The following PDE4D variants were observed in gnomAD, a reference collection of about 807,000 sequenced individuals.
PDE4D encodes the protein phosphodiesterase 4D, also known as 3',5'-cyclic-AMP phosphodiesterase 4D.
A neutral mutation model predicts 87.4 loss-of-function variants in PDE4D; 24 were observed. The ratio of observed to expected loss-of-function variants is 0.27; its 90% CI spans 0.20 to 0.39. PDE4D has a LOEUF of 0.39. Among genes scored for constraint, PDE4D ranks in the 10% least tolerant of loss-of-function variants. PDE4D has a pLI of 1.00. For missense variants in PDE4D, 714 were observed against 1,041.0 expected (o/e 0.69, Z 4.32); for synonymous variants, 384 against 383.2 (o/e 1.00, Z -0.02).
chr5:59,260,902 T>C (rs1332022187), intron 1 of PDE4D, among the ~76,000 whole-genome samples: 3 of 136,172 alleles, frequency 2.2e-5, no homozygotes, highest in Middle Eastern at 3.8e-3. Flanking sequence ...CTAAAGTTTA[T>C]AAAAATCATT....
chr5:58,978,869 G>A (rs1436028903), intron 11 of PDE4D, among the ~76,000 whole-genome samples: 1 of 152,052 alleles, frequency 6.6e-6, no homozygotes, highest in Non-Finnish European at 1.5e-5. Context: ...TAAGCATATA[G>A]AAATGAAAAA....
intron 1 of PDE4D, among the ~76,000 whole-genome samples, chr5:59,639,624 T>C (rs925263305): frequency 6.6e-5 from 10 of 152,056 alleles, no homozygotes; most frequent in African/African-American, 2.4e-4. Context: ...CATAATGAAT[T>C]TCAAATTGAA....
At chr5:59,467,941 A>G (rs1446069754) in intron 1 of PDE4D, among the ~76,000 whole-genome samples, 4 of 151,368 alleles carry the variant, frequency 2.6e-5, no homozygotes, top group African/African-American at 7.4e-5. Flanking sequence ...ATACACATGA[A>G]ATTAAATATT....
At position 59,731,362 on chromosome 5, in the gene PDE4D, C is replaced by G. The variant is rs139745731; in HGVS notation, c.455+161806G>C. ...AGTATCGCCAATGGTCGTGAGATGACAAGCACAGGACAGGCCCATATGCTG... is the reference window on the plus strand; with the variant it reads ...AGTATCGCCAATGGTCGTGAGATGAGAAGCACAGGACAGGCCCATATGCTG... On this transcript the variant is annotated intron_variant, in intron 1 of 14. Transcript: ENST00000340635. Among the ~76,000 whole-genome samples, 415 of 152,086 alleles carry G rather than the reference C, an allele frequency of 2.7e-3. 2 individuals are homozygous for G. The highest frequency in any genetic ancestry group is 3.4e-3 in the Middle Eastern group (1 of 294).
At chr5:59,383,603 G>A (rs1204593487) in intron 1 of PDE4D, among the ~76,000 whole-genome samples, 1 of 152,062 alleles carries the variant, frequency 6.6e-6, no homozygotes, top group African/African-American at 2.4e-5. Flanking sequence ...CACAGAAATA[G>A]GGGTGTCTGT....
At chr5:60,196,490 T>G (rs1488165808) in intron 1 of PDE4D, among the ~76,000 whole-genome samples, 1 of 151,728 alleles carries the variant, frequency 6.6e-6, no homozygotes, top group Non-Finnish European at 1.5e-5. Context: ...ACCCTCCCAC[T>G]GCCTCATTAT....
At chr5:59,934,839 G>A (rs927607721) in intron 3 of PDE4D, among the ~76,000 whole-genome samples, 1 of 152,096 alleles carries the variant, frequency 6.6e-6, no homozygotes, top group Admixed American at 6.5e-5. Context: ...GGCACATTCT[G>A]GAAACAGGAT....
rs541866920 is a variant in PDE4D, at chr5:58,973,560, A to G, written c.*1104T>C. On this transcript the variant is annotated 3_prime_UTR_variant, in exon 15 of 15. Coordinates refer to ENST00000340635, the MANE Select transcript of PDE4D (RefSeq NM_001104631.2). ...GTTATTAGGAGATACTAAGTAGGAA[A>G]ACATCTAAAAAAGACTGACCATTTT... The G allele has an allele frequency of 6.5e-6, 1 of 152,786 alleles. No individual in the cohort carries two copies. Among genetic ancestry groups the G allele is most frequent in the East Asian group, 1.9e-4 (1 of 5,190 alleles). The allele number at this position is 152,786 out of a possible 1,614,324, so 9.5% of individuals were successfully genotyped here. A position where few individuals can be genotyped will look rare whatever the true frequency, so the allele number is the denominator to read the frequency against.
chr5:59,172,286 ATATT>A (rs1463106835), intron 5 of PDE4D, among the ~76,000 whole-genome samples: 4 of 130,644 alleles, frequency 3.1e-5, no homozygotes, highest in East Asian at 4.2e-4. Flanking sequence ...TAAGAAATAT[ATATT>A]TATATAAGAA....
At chr5:59,209,153 A>G (rs930120104) in intron 2 of PDE4D, among the ~76,000 whole-genome samples, 2 of 152,148 alleles carry the variant, frequency 1.3e-5, no homozygotes, top group Non-Finnish European at 2.9e-5. Flanking sequence ...AATTCTCTCA[A>G]ATAGTCTCAC....
intron 5 of PDE4D, among the ~76,000 whole-genome samples, chr5:59,050,503 A>G (rs930951854): frequency 5.3e-5 from 8 of 152,240 alleles, no homozygotes; most frequent in African/African-American, 1.9e-4. Context: ...ACTCAAGAGT[A>G]TATCGGTTAT....
At chr5:60,031,791 G>A (rs776955340) in intron 2 of PDE4D, among the ~76,000 whole-genome samples, 7 of 152,054 alleles carry the variant, frequency 4.6e-5, no homozygotes, top group Non-Finnish European at 1.0e-4. Flanking sequence ...GAGAGAGAAA[G>A]AAATGAGAGA....
intron 1 of PDE4D, among the ~76,000 whole-genome samples, chr5:59,622,841 T>C (rs1830494160): frequency 6.6e-6 from 1 of 152,168 alleles, no homozygotes; most frequent in Non-Finnish European, 1.5e-5. Flanking sequence ...TCCAAAGTGC[T>C]GACTAATATC....
chr5:59,703,651 A>T (rs767280360), intron 1 of PDE4D: 1 of 532,026 alleles, frequency 1.9e-6, no homozygotes, highest in Non-Finnish European at 3.9e-6. Flanking sequence ...TCAACCAGTT[A>T]CAATTAGTTA....
chr5:59,776,515 C>T (rs929051508), intron 1 of PDE4D, among the ~76,000 whole-genome samples: 7 of 152,164 alleles, frequency 4.6e-5, no homozygotes, highest in African/African-American at 1.7e-4. Context: ...GAGAGTGCTA[C>T]AATAAATAGG....
chr5:60,386,055 C>CA (rs905358834), intron 1 of PDE4D, among the ~76,000 whole-genome samples: 93 of 149,048 alleles, frequency 6.2e-4, no homozygotes, highest in African/African-American at 1.8e-3. Flanking sequence ...AAGCCCAATG[C>CA]AAAAAAAAGA....
chr5:60,389,853 G>C (rs916089306), intron 1 of PDE4D, among the ~76,000 whole-genome samples: 4 of 152,182 alleles, frequency 2.6e-5, no homozygotes, highest in African/African-American at 9.7e-5. Context: ...AGTCACAAGA[G>C]GATACAAGGG....
intron 2 of PDE4D, among the ~76,000 whole-genome samples, chr5:60,055,832 G>A (rs1770719721): frequency 6.6e-6 from 1 of 151,718 alleles, no homozygotes; most frequent in South Asian, 2.1e-4. Flanking sequence ...ACAGGTTGGA[G>A]GAACCATGGA....
At chr5:59,735,498 C>CTTCAATATA (rs1757943416) in intron 1 of PDE4D, among the ~76,000 whole-genome samples, 1 of 151,992 alleles carries the variant, frequency 6.6e-6, no homozygotes, top group African/African-American at 2.4e-5. Flanking sequence ...ATATCAAACT[C>CTTCAATATA]TGAAATTAAA....
Sources: allele counts gnomAD v4.1 joint callset (sites outside exome capture counted in the v4.1 genomes callset), GRCh38; gene constraint gnomAD v4.1.1; transcripts MANE v1.5; gene names NCBI Gene and HGNC (gene_info 2026-07-23, HGNC 2026-07-21).